Variants in BICD1 observed in about 807,000 individuals in gnomAD.
The protein encoded by BICD1 is protein bicaudal D homolog 1.
BICD1 carries 35 observed loss-of-function variants against 92.5 expected under a neutral mutation model. That is an observed-to-expected ratio of 0.38 (90% CI 0.29 to 0.50). BICD1 has a LOEUF of 0.50. Among genes scored for constraint, BICD1 ranks in the 20% least tolerant of loss-of-function variants. The pLI, the probability that BICD1 is intolerant of heterozygous loss-of-function variation, is 0.93. For missense variants in BICD1, 950 were observed against 1,189.8 expected, an observed-to-expected ratio of 0.80 and a Z score of 2.97; for synonymous variants, 429 against 465.1, an observed-to-expected ratio of 0.92 and a Z score of 1.00.
At chr12:32,235,311 C>T (rs991619311) in intron 2 of BICD1, among the ~76,000 whole-genome samples, 5 of 152,186 alleles carry the variant, frequency 3.3e-5, no homozygotes, top group African/African-American at 1.2e-4. Flanking sequence ...AACACCTGCT[C>T]TCTTGCCCTC....
chr12:32,182,909 T>TTTTTA (rs1565571045), intron 1 of BICD1, among the ~76,000 whole-genome samples: 1 of 130,070 alleles, frequency 7.7e-6, no homozygotes, highest in Admixed American at 8.0e-5. Context: ...TTTTTTTTTT[T>TTTTTA]AAAGAGATAG....
intron 2 of BICD1, among the ~76,000 whole-genome samples, chr12:32,288,223 A>ATTTT (rs34913740): frequency 2.4e-4 from 26 of 109,502 alleles, no homozygotes; most frequent in African/African-American, 7.0e-4. Flanking sequence ...CCAAGTCCTA[A>ATTTT]TTTTTTTTTT....
intron 4 of BICD1, among the ~76,000 whole-genome samples, chr12:32,312,889 C>T (rs1254839853): frequency 1.1e-4 from 16 of 152,074 alleles, no homozygotes. Flanking sequence ...CCCTCAAGAC[C>T]TCATTATTTC....
chr12:32,276,972 T>TG (rs397705921), intron 2 of BICD1, among the ~76,000 whole-genome samples: 1 of 152,018 alleles, frequency 6.6e-6, no homozygotes, highest in Non-Finnish European at 1.5e-5. Context: ...TTCTCATTTT[T>TG]TCTGACAACT....
chr12:32,158,258 C>T (rs1334441560), intron 1 of BICD1, among the ~76,000 whole-genome samples: 2 of 151,776 alleles, frequency 1.3e-5, no homozygotes, highest in Non-Finnish European at 2.9e-5. Context: ...GGCGCCCACC[C>T]CCATGCCCGG....
intron 9 of BICD1, among the ~76,000 whole-genome samples, chr12:32,376,875 AAGGG>A (rs796809211): frequency 0.03 from 3,344 of 112,490 alleles, 182 homozygotes; most frequent in African/African-American, 0.1. Context: ...CTAAAAAAAA[AAGGG>A]GGGGGGGGGT....
At position 32,277,738 on chromosome 12, in the gene BICD1, A is replaced by G. The variant is rs531111515; in HGVS notation, c.427-16256A>G. ...TTAACTTTTAGTCCCTTGATTTGCAAATCAAGCTGTAAACTATATTAATTC... is the reference window on the plus strand; with the variant it reads ...TTAACTTTTAGTCCCTTGATTTGCAGATCAAGCTGTAAACTATATTAATTC... On this transcript the variant is annotated intron_variant, in intron 2 of 9. Transcript: ENST00000652176. Among the ~76,000 whole-genome samples, 224 of 152,320 alleles carry G rather than the reference A, an allele frequency of 1.5e-3. 2 individuals are homozygous for G. The highest frequency in any genetic ancestry group is 5.2e-3 in the African/African-American group (215 of 41,556).
chr12:32,128,764 TTC>T, intron 1 of BICD1, among the ~76,000 whole-genome samples: 1 of 152,242 alleles, frequency 6.6e-6, no homozygotes, highest in East Asian at 1.9e-4. Flanking sequence ...CTTTTAAAAC[TTC>T]TTTTTATTCC....
intron 2 of BICD1, among the ~76,000 whole-genome samples, chr12:32,284,917 G>T (rs1461823478): frequency 6.6e-6 from 1 of 152,182 alleles, no homozygotes; most frequent in Non-Finnish European, 1.5e-5. Context: ...CTACAAAATA[G>T]CACCGAACTT....
At chr12:32,151,707 G>A (rs1428219120) in intron 1 of BICD1, among the ~76,000 whole-genome samples, 2 of 152,174 alleles carry the variant, frequency 1.3e-5, no homozygotes, top group Non-Finnish European at 2.9e-5. Context: ...GACAGCAGAA[G>A]GAAGAGGAGC....
chr12:32,295,997 G>A (rs2136197825), intron 3 of BICD1, among the ~76,000 whole-genome samples: 1 of 152,048 alleles, frequency 6.6e-6, no homozygotes, highest in African/African-American at 2.4e-5. Flanking sequence ...GATTTGGAGT[G>A]CTGGGGGGAA....
intron 4 of BICD1, among the ~76,000 whole-genome samples, chr12:32,320,653 T>C (rs12296446): frequency 6.6e-6 from 1 of 150,482 alleles, no homozygotes; most frequent in Non-Finnish European, 1.5e-5. Context: ...AATAAGTAAA[T>C]AAATAAAAAA....
chr12:32,367,987 C>A, intron 9 of BICD1: 1 of 441,574 alleles, frequency 2.3e-6, no homozygotes, highest in Non-Finnish European at 4.1e-6. Flanking sequence ...GCCTTCAGCC[C>A]CTTTGTCTGT....
At chr12:32,311,145 G>T (rs1048725815) in intron 4 of BICD1, among the ~76,000 whole-genome samples, 5 of 152,138 alleles carry the variant, frequency 3.3e-5, no homozygotes, top group African/African-American at 1.2e-4. Flanking sequence ...AAGGTGGTCG[G>T]GGTACAGCTT....
At chr12:32,357,733 C>T (rs140391231) in intron 8 of BICD1, among the ~76,000 whole-genome samples, 9 of 152,252 alleles carry the variant, frequency 5.9e-5, no homozygotes, top group South Asian at 4.1e-4. Context: ...CACTGCATCC[C>T]TGGTGTCTCT....
chr12:32,112,155 C>T (rs1271686051), intron 1 of BICD1, among the ~76,000 whole-genome samples: 2 of 151,884 alleles, frequency 1.3e-5, no homozygotes, highest in African/African-American at 4.8e-5. Flanking sequence ...TACAGGCATG[C>T]GCCACCACAC....
At chr12:32,343,530 A>G (rs1485422877) in intron 8 of BICD1, among the ~76,000 whole-genome samples, 6 of 152,194 alleles carry the variant, frequency 3.9e-5, no homozygotes, top group African/African-American at 7.2e-5. Flanking sequence ...TGGGGAAGCA[A>G]GTTTGAACTC....
rs200305362 is a variant in BICD1 at position 32,367,693 on chromosome 12, G to A, written c.2788G>A (p.Val930Ile). 44 of 1,613,856 alleles carry A rather than the reference G, an allele frequency of 2.7e-5. No homozygotes were observed. The highest frequency in any genetic ancestry group is 3.4e-5 in the Non-Finnish European group (40 of 1,180,014). The change falls in exon 9 of 10, where the codon GTA becomes ATA. Residue 930 changes from valine to isoleucine, a missense_variant. Physicochemically the swap from Val to Ile is conservative, Grantham distance 29. Coordinates refer to ENST00000652176, the MANE Select transcript of BICD1 (RefSeq NM_001714.4). ...AGATTGTCAGCAGCCTGCTGCCTCC[G>A]TACCGCCACAGTGCTCACAACTAGC... is the stretch of plus-strand genomic sequence containing the variant. ...PPDCQQPAAS[V>I]PPQCSQLAGR...
At position 32,286,933 on chromosome 12, in the gene BICD1, A is replaced by G. The variant is rs1335169476; in HGVS notation, c.427-7061A>G. Among the ~76,000 whole-genome samples, 6 of 152,332 alleles carry G rather than the reference A, an allele frequency of 3.9e-5. No individual in the cohort carries two copies. In the East Asian group the frequency reaches 5.8e-4, roughly 15 times the overall value. On this transcript the variant is annotated intron_variant, in intron 2 of 9. Transcript: ENST00000652176. Reference sequence around the variant, plus strand: ...AATAATAATCAGTGTCATTCTGTCAACACTTATTTTCTAAGTATGTACTCC... The same window carrying G: ...AATAATAATCAGTGTCATTCTGTCAGCACTTATTTTCTAAGTATGTACTCC...
Sources: allele counts gnomAD v4.1 joint callset (sites outside exome capture counted in the v4.1 genomes callset), GRCh38; gene constraint gnomAD v4.1.1; transcripts MANE v1.5; gene names NCBI Gene and HGNC (gene_info 2026-07-23, HGNC 2026-07-21).